Variants in SEMA3E observed in about 807,000 individuals in gnomAD.
The protein encoded by SEMA3E is semaphorin-3E.
A neutral mutation model predicts 93.6 loss-of-function variants in SEMA3E; 49 were observed. That is an observed-to-expected ratio of 0.52 (90% confidence interval 0.42 to 0.66). The LOEUF (loss-of-function observed/expected upper bound fraction) is 0.66. Ranked by LOEUF, SEMA3E falls within the 30% of genes least tolerant of loss-of-function variation. The pLI is 0.00. For synonymous variants in SEMA3E, 363 were observed against 330.7 expected (o/e 1.10, Z -1.06); for missense variants, 906 against 964.8 (o/e 0.94, Z 0.81).
At chr7:83,382,053 G>A (rs1787787959) in intron 16 of SEMA3E, among the ~76,000 whole-genome samples, 1 of 151,952 alleles carries the variant, frequency 6.6e-6, no homozygotes, top group Non-Finnish European at 1.5e-5. Context: ...CTGACATCAG[G>A]AGCATTTTTT....
intron 1 of SEMA3E, among the ~76,000 whole-genome samples, chr7:83,574,459 A>G (rs1485531764): frequency 9.5e-5 from 10 of 105,306 alleles, no homozygotes; most frequent in South Asian, 8.3e-4. Flanking sequence ...AGTAAAGTTT[A>G]AAAAAAAAAA....
At chr7:83,638,438 C>G (rs367824379) in intron 1 of SEMA3E, among the ~76,000 whole-genome samples, 1 of 152,116 alleles carries the variant, frequency 6.6e-6, no homozygotes, top group African/African-American at 2.4e-5. Flanking sequence ...TTTCCATGAT[C>G]GATCCATATT....
intron 1 of SEMA3E, among the ~76,000 whole-genome samples, chr7:83,610,882 A>C (rs1370388778): frequency 6.6e-6 from 1 of 152,048 alleles, no homozygotes; most frequent in African/African-American, 2.4e-5. Context: ...CAGTTGTTTC[A>C]ATCAACCCCT....
chr7:83,478,367 G>A lies in SEMA3E; in HGVS notation c.277-9065C>T, dbSNP rs188967933. Among the ~76,000 whole-genome samples, 23 of 151,764 alleles carry A rather than the reference G, an allele frequency of 1.5e-4. No homozygotes were observed. In the East Asian group the frequency reaches 4.3e-3, roughly 28 times the overall value. On this transcript the variant is annotated intron_variant, in intron 2 of 16. Transcript: ENST00000643230. ...TATTCTATGAGTTCCCCAAAATATGGCTTAAATATAAACATTTTCATTTTT... is the reference window on the plus strand; with the variant it reads ...TATTCTATGAGTTCCCCAAAATATGACTTAAATATAAACATTTTCATTTTT...
intron 1 of SEMA3E, among the ~76,000 whole-genome samples, chr7:83,582,157 G>C (rs1268231854): frequency 6.7e-6 from 1 of 149,722 alleles, no homozygotes; most frequent in Non-Finnish European, 1.5e-5. Flanking sequence ...TAATAAACTA[G>C]TAATTTTATT....
intron 16 of SEMA3E, among the ~76,000 whole-genome samples, chr7:83,382,629 A>G (rs1787799010): frequency 6.6e-6 from 1 of 151,602 alleles, no homozygotes; most frequent in African/African-American, 2.4e-5. Context: ...ATAGTATCTT[A>G]TATATTTAAT....
intron 4 of SEMA3E, among the ~76,000 whole-genome samples, chr7:83,436,757 A>G (rs1789012488): frequency 6.6e-6 from 1 of 152,190 alleles, no homozygotes; most frequent in Admixed American, 6.5e-5. Context: ...GTTATTCTAC[A>G]GTTAATTTTA....
chr7:83,563,714 A>C (rs1027685643), intron 1 of SEMA3E, among the ~76,000 whole-genome samples: 1 of 152,156 alleles, frequency 6.6e-6, no homozygotes, highest in African/African-American at 2.4e-5. Flanking sequence ...GTTATTTTTT[A>C]AATTTTTCAT....
At chr7:83,593,296 G>C (rs1200502012) in intron 1 of SEMA3E, among the ~76,000 whole-genome samples, 2,500 of 37,716 alleles carry the variant, frequency 0.066, 52 homozygotes, top group African/African-American at 0.27. Context: ...GTGTGTGTGT[G>C]TGTGTGTGTG....
At chr7:83,565,462 G>A (rs550702032) in intron 1 of SEMA3E, among the ~76,000 whole-genome samples, 11 of 152,198 alleles carry the variant, frequency 7.2e-5, no homozygotes, top group South Asian at 2.1e-4. Flanking sequence ...CATGGCACAC[G>A]TATACCTATG....
intron 2 of SEMA3E, among the ~76,000 whole-genome samples, chr7:83,470,945 C>A (rs1178541949): frequency 2.7e-5 from 4 of 147,772 alleles, no homozygotes; most frequent in African/African-American, 4.9e-5. Flanking sequence ...ATATAAAAAT[C>A]CTTAGCATTT....
At position 83,631,183 on chromosome 7, in the gene SEMA3E, C is replaced by T. The variant is rs144445462; in HGVS notation, c.115+17245G>A. On this transcript the variant is annotated intron_variant, in intron 1 of 16. Coordinates refer to ENST00000643230, the MANE Select transcript of SEMA3E (RefSeq NM_012431.3). ...TGTTTATTTTAGCCATGAAGAAAGACGGTTTTGTTTCTTCATATTAAAAAA... is the reference window on the plus strand; with the variant it reads ...TGTTTATTTTAGCCATGAAGAAAGATGGTTTTGTTTCTTCATATTAAAAAA... Among the ~76,000 whole-genome samples the T allele has an allele frequency of 7.8e-3, 1,182 of 152,062 alleles. 8 individuals are homozygous for T. The highest frequency in any genetic ancestry group is 0.026 in the African/African-American group (1,067 of 41,498).
intron 4 of SEMA3E, among the ~76,000 whole-genome samples, chr7:83,433,115 A>G (rs1011674873): frequency 6.6e-6 from 1 of 152,062 alleles, no homozygotes; most frequent in African/African-American, 2.4e-5. Flanking sequence ...TTGAAAGACA[A>G]CTCTGTAAAG....
In SEMA3E at chr7:83,534,567, A is replaced by C. The variant is rs369850995; in HGVS notation, c.116-44293T>G. Among the ~76,000 whole-genome samples, 47 of 152,312 alleles carry C rather than the reference A, an allele frequency of 3.1e-4. 1 individual carries two copies. The highest frequency in any genetic ancestry group is 1.1e-3 in the African/African-American group (44 of 41,572). ...ATAAAATTGATTTCACACCCCATTA[A>C]ATGGTCACAATTCACAGTTTGTAAA... On this transcript the variant is annotated intron_variant, in intron 1 of 16. Coordinates refer to ENST00000643230, the MANE Select transcript of SEMA3E (RefSeq NM_012431.3).
At chr7:83,407,730 G>A (rs967836557) in intron 6 of SEMA3E, among the ~76,000 whole-genome samples, 3 of 152,032 alleles carry the variant, frequency 2.0e-5, no homozygotes, top group African/African-American at 7.2e-5. Flanking sequence ...TTTATTTTAC[G>A]TTTTTGGGAT....
At chr7:83,483,870 A>G (rs1044187523) in intron 2 of SEMA3E, among the ~76,000 whole-genome samples, 1 of 152,188 alleles carries the variant, frequency 6.6e-6, no homozygotes, top group Non-Finnish European at 1.5e-5. Flanking sequence ...TGAAGAGATC[A>G]TCAGGACTAA....
At chr7:83,647,387 C>A (rs1794093342) in intron 1 of SEMA3E, among the ~76,000 whole-genome samples, 1 of 152,020 alleles carries the variant, frequency 6.6e-6, no homozygotes, top group South Asian at 2.1e-4. Context: ...CAGTGGGGGA[C>A]AATTTAAAAG....
intron 1 of SEMA3E, among the ~76,000 whole-genome samples, chr7:83,492,830 CA>C (rs1790413027): frequency 1.3e-5 from 2 of 151,796 alleles, no homozygotes; most frequent in Admixed American, 1.3e-4. Context: ...CCTGGGTGCT[CA>C]AAAATTTAAT....
At chr7:83,642,004 T>C (rs905789550) in intron 1 of SEMA3E, among the ~76,000 whole-genome samples, 3 of 152,146 alleles carry the variant, frequency 2.0e-5, no homozygotes, top group Non-Finnish European at 2.9e-5. Flanking sequence ...TGAAGCCAGA[T>C]TCAAATTAGA....
Sources: allele counts gnomAD v4.1 joint callset (sites outside exome capture counted in the v4.1 genomes callset), GRCh38; gene constraint gnomAD v4.1.1; transcripts MANE v1.5; gene names NCBI Gene and HGNC (gene_info 2026-07-23, HGNC 2026-07-21).